The following LRRC7 variants were observed in gnomAD, a reference collection of about 807,000 sequenced individuals.
LRRC7 encodes leucine rich repeat containing 7.
Under a neutral mutation model 175.7 loss-of-function variants are expected in LRRC7, and 23 were observed. The ratio of observed to expected loss-of-function variants is 0.13; its 90% CI spans 0.09 to 0.19. The LOEUF (loss-of-function observed/expected upper bound fraction) is 0.19, where lower values mean the gene tolerates loss of function less well. Ranked by LOEUF, LRRC7 falls within the 10% of genes least tolerant of loss-of-function variation. LRRC7 has a pLI of 1.00. For missense variants in LRRC7, 1,354 were observed against 1,904.7 expected (o/e 0.71, Z 5.38); for synonymous variants, 685 against 680.9 (o/e 1.01, Z -0.09).
intron 2 of LRRC7, among the ~76,000 whole-genome samples, chr1:69,745,062 C>G (rs1052795005): frequency 1.1e-4 from 16 of 151,774 alleles, no homozygotes; most frequent in African/African-American, 3.9e-4. Flanking sequence ...GAGAATTAAC[C>G]TAATTATCAA....
intron 3 of LRRC7, among the ~76,000 whole-genome samples, chr1:69,781,047 C>A (rs1164881147): frequency 6.6e-6 from 1 of 152,080 alleles, no homozygotes; most frequent in Non-Finnish European, 1.5e-5. Flanking sequence ...TACATTTATG[C>A]CATTTTTATA....
At chr1:69,931,169 C>T (rs1292944499) in intron 7 of LRRC7, among the ~76,000 whole-genome samples, 2 of 152,134 alleles carry the variant, frequency 1.3e-5, no homozygotes, top group Non-Finnish European at 2.9e-5. Context: ...TTGGTTTCAG[C>T]CATTGATTCC....
At chr1:69,862,813 A>G (rs907252509) in intron 7 of LRRC7, among the ~76,000 whole-genome samples, 3 of 151,890 alleles carry the variant, frequency 2.0e-5, no homozygotes, top group African/African-American at 7.3e-5. Context: ...GTCACCTACT[A>G]TCCCTCCCTT....
intron 1 of LRRC7, among the ~76,000 whole-genome samples, chr1:69,677,340 ATTT>A (rs1255829029): frequency 8.9e-5 from 12 of 135,056 alleles, no homozygotes; most frequent in Non-Finnish European, 1.6e-4. Flanking sequence ...AGTTAGGTTG[ATTT>A]CATATATTTG....
At chr1:69,680,776 T>G (rs1660384427) in intron 2 of LRRC7, among the ~76,000 whole-genome samples, 1 of 151,896 alleles carries the variant, frequency 6.6e-6, no homozygotes, top group Non-Finnish European at 1.5e-5. Flanking sequence ...TTTGACCAGA[T>G]GCAGGACCAG....
chr1:70,076,365 C>A, intron 24 of LRRC7, 67 bp downstream of exon 24: 1 of 1,429,258 alleles, frequency 7.0e-7, no homozygotes. Context: ...CCATGGTTGG[C>A]CTTCCCTCAT....
At chr1:70,111,607 C>T (rs1161922270) in intron 26 of LRRC7, among the ~76,000 whole-genome samples, 1 of 152,058 alleles carries the variant, frequency 6.6e-6, no homozygotes, top group Non-Finnish European at 1.5e-5. Context: ...AAAATTCAGT[C>T]TAATTCATTA....
intron 1 of LRRC7, among the ~76,000 whole-genome samples, chr1:69,643,159 T>A (rs1242669754): frequency 1.3e-5 from 2 of 152,092 alleles, no homozygotes; most frequent in Non-Finnish European, 2.9e-5. Context: ...AAGCATTGGA[T>A]CTTCATCTGT....
chr1:69,803,763 T>C (rs1676794252), intron 4 of LRRC7, among the ~76,000 whole-genome samples: 1 of 151,318 alleles, frequency 6.6e-6, no homozygotes, highest in Non-Finnish European at 1.5e-5. Flanking sequence ...TAGGAAATAA[T>C]CTACTTCATC....
chr1:69,994,374 CT>C (rs1654731646), intron 10 of LRRC7, among the ~76,000 whole-genome samples, 186 bp from the exon 11 acceptor site: 2 of 152,038 alleles, frequency 1.3e-5, no homozygotes, highest in South Asian at 2.1e-4. Context: ...ATGTATGCAA[CT>C]TTTTTGCAAC....
intron 2 of LRRC7, among the ~76,000 whole-genome samples, chr1:69,723,434 A>AT (rs1003858968): frequency 1.9e-4 from 29 of 152,240 alleles, no homozygotes; most frequent in East Asian, 7.7e-4. Flanking sequence ...CATACAGCTG[A>AT]TTTTTTTATC....
rs1480679761 is a variant in LRRC7, at chr1:70,125,809, A to AGAG, written c.*3922_*3923insGAG. On this transcript the variant is annotated 3_prime_UTR_variant, in exon 27 of 27. Transcript: ENST00000651989. ...TCCGTCTCAAAAAAAAAAAAAAAAA[A>AGAG]AAAGAGAAGATTCAGAGGGGAGAAA... 3.8e-3 allele frequency among the ~76,000 whole-genome samples: 572 copies of AGAG among 150,562 alleles called. 8 individuals carry two copies. The highest frequency in any genetic ancestry group is 0.013 in the African/African-American group (528 of 40,832).
intron 7 of LRRC7, chr1:69,873,325 A>G (rs1453273988): frequency 2.4e-6 from 1 of 411,994 alleles, no homozygotes. Flanking sequence ...AATATTACTT[A>G]AAACCTATTT....
intron 1 of LRRC7, among the ~76,000 whole-genome samples, chr1:69,576,068 C>CTT (rs61312952): frequency 6.2e-4 from 91 of 145,912 alleles, no homozygotes; most frequent in African/African-American, 6.3e-4. Flanking sequence ...GTTGTATCTA[C>CTT]TTTTTTTTTT....
chr1:69,937,589 T>G (rs1290455226), intron 8 of LRRC7, among the ~76,000 whole-genome samples: 2 of 152,110 alleles, frequency 1.3e-5, no homozygotes, highest in African/African-American at 4.8e-5. Context: ...ATTAGTGAGA[T>G]TTGTATACAT....
At chr1:69,957,435 A>G (rs1041135986) in intron 8 of LRRC7, among the ~76,000 whole-genome samples, 4 of 151,946 alleles carry the variant, frequency 2.6e-5, no homozygotes, top group African/African-American at 9.7e-5. Context: ...AAGATAATGC[A>G]TGTACACTTG....
At chr1:69,901,962 ATAAAT>A (rs566123255) in intron 7 of LRRC7, among the ~76,000 whole-genome samples, 130 of 152,212 alleles carry the variant, frequency 8.5e-4, no homozygotes, top group Non-Finnish European at 1.2e-3. Context: ...CCCAACTGTA[ATAAAT>A]TAATATATTA....
intron 2 of LRRC7, among the ~76,000 whole-genome samples, chr1:69,681,746 C>T (rs554618245): frequency 6.6e-6 from 1 of 152,238 alleles, no homozygotes; most frequent in Non-Finnish European, 1.5e-5. Context: ...GTTATCTACA[C>T]TCACTCCATT....
At chr1:69,592,356 TGTATTGTAATTC>T (rs1378325805) in intron 1 of LRRC7, among the ~76,000 whole-genome samples, 2 of 152,124 alleles carry the variant, frequency 1.3e-5, no homozygotes, top group African/African-American at 4.8e-5. Flanking sequence ...TCAGGCAGAT[TGTATTGTAATTC>T]AGACAAACAA....
Sources: gnomAD v4.1 joint callset for allele counts (sites outside exome capture counted in the v4.1 genomes callset) on GRCh38, gnomAD v4.1.1 for gene constraint, MANE v1.5 for transcripts, NCBI Gene and HGNC (gene_info 2026-07-23, HGNC 2026-07-21) for gene names.